The following KAT6B variants were observed in gnomAD, a reference collection of about 807,000 sequenced individuals.
KAT6B encodes histone acetyltransferase KAT6B.
Under a neutral mutation model 187.5 loss-of-function variants are expected in KAT6B, and 10 were observed. The observed-to-expected ratio is 0.05, with a 90% CI of 0.03 to 0.09. KAT6B has a LOEUF of 0.09. Among genes scored for constraint, KAT6B ranks in the 10% least tolerant of loss-of-function variants. The pLI is 1.00. For missense variants in KAT6B, 1,952 were observed against 2,558.9 expected (o/e 0.76, Z 5.12); for synonymous variants, 861 against 926.8 (o/e 0.93, Z 1.29).
chr10:74,911,637 T>C (rs561129320), intron 3 of KAT6B, among the ~76,000 whole-genome samples: 9 of 152,294 alleles, frequency 5.9e-5, no homozygotes, highest in Middle Eastern at 6.8e-3. Context: ...TTTCTTTTGA[T>C]GCCTCCCCTG....
At position 75,030,773 on chromosome 10, in the gene KAT6B, C is replaced by A. The variant is rs745470061; in HGVS notation, c.5949C>A (p.Asn1983Lys). ...PAPAYNVNSV[N>K]MNMNTLNAMN... ...CAGCCTACAATGTCAACTCTGTGAACATGAACATGAACACTCTCAACGCCA... is the reference window on the plus strand; with the variant it reads ...CAGCCTACAATGTCAACTCTGTGAAAATGAACATGAACACTCTCAACGCCA... Residue 1983 changes from asparagine to lysine, a missense_variant, in exon 18 of 18, where the codon AAC (asparagine) becomes AAA (lysine). By Grantham distance (94) the Asn-to-Lys change is moderately conservative. Transcript: ENST00000287239. This position sits in a 1 kb window ranked among gnomAD's most constrained non-coding sequence, Gnocchi z 4.8. 62 of 1,614,048 alleles carry A rather than the reference C, an allele frequency of 3.8e-5. No individual in the cohort carries two copies. The highest frequency in any genetic ancestry group is 5.0e-5 in the Non-Finnish European group (59 of 1,180,030).
intron 3 of KAT6B, among the ~76,000 whole-genome samples, chr10:74,941,173 A>AC (rs1327877064): frequency 1.3e-5 from 2 of 152,026 alleles, no homozygotes; most frequent in African/African-American, 2.4e-5. Context: ...GTGCACCCGC[A>AC]CCCCCAGATC....
intron 13 of KAT6B, among the ~76,000 whole-genome samples, chr10:75,000,355 A>T (rs953714644): frequency 6.6e-6 from 1 of 152,072 alleles, no homozygotes; most frequent in East Asian, 1.9e-4. Flanking sequence ...GGGAAAACAA[A>T]AAGCAACATC....
At chr10:74,875,816 A>T (rs1392766555) in intron 3 of KAT6B, among the ~76,000 whole-genome samples, 1 of 152,112 alleles carries the variant, frequency 6.6e-6, no homozygotes, top group Non-Finnish European at 1.5e-5. Flanking sequence ...ATCACATATC[A>T]TCCTTCTTTC....
intron 1 of KAT6B, among the ~76,000 whole-genome samples, chr10:74,838,293 CT>C (rs1379626675): frequency 2.0e-5 from 3 of 152,282 alleles, no homozygotes; most frequent in African/African-American, 7.2e-5. Flanking sequence ...CTTAAAACAA[CT>C]TTTGACTGTC....
At chr10:75,013,760 G>T (rs974642145) in intron 13 of KAT6B, among the ~76,000 whole-genome samples, 3 of 152,168 alleles carry the variant, frequency 2.0e-5, no homozygotes, top group Non-Finnish European at 2.9e-5. Flanking sequence ...GTTAGGTACA[G>T]TTATTATTCA....
intron 3 of KAT6B, among the ~76,000 whole-genome samples, chr10:74,900,831 G>T (rs1846334689): frequency 1.3e-5 from 2 of 152,126 alleles, no homozygotes; most frequent in South Asian, 4.1e-4. Context: ...GGGGGAGTGG[G>T]GGTTAAACAG....
intron 3 of KAT6B, among the ~76,000 whole-genome samples, chr10:74,866,440 T>G (rs2132346685): frequency 6.6e-6 from 1 of 152,258 alleles, no homozygotes; most frequent in East Asian, 1.9e-4. Flanking sequence ...TTGTTGAATC[T>G]AGGTGAAGGG....
At chr10:74,880,927 TCTC>T (rs1305535090) in intron 3 of KAT6B, among the ~76,000 whole-genome samples, 19 of 129,126 alleles carry the variant, frequency 1.5e-4, no homozygotes, top group Non-Finnish European at 9.0e-5. Flanking sequence ...TATCTTACTC[TCTC>T]TTTTTTTTTT....
chr10:74,996,408 C>A (rs1328187085), intron 13 of KAT6B, among the ~76,000 whole-genome samples: 1 of 152,182 alleles, frequency 6.6e-6, no homozygotes, highest in Non-Finnish European at 1.5e-5. Flanking sequence ...ACCTGGGTAA[C>A]TACAGCAGAA....
rs530361010 is a variant in KAT6B at position 74,922,447 on chromosome 10, G to T, written c.622-37523G>T. The stretch of plus-strand genomic sequence containing the variant: ...AAGAAGAAAGATGGCTAGGTAGATG[G>T]AATAGTGATCAGAAAAAAAGAACTT... On this transcript the variant is annotated intron_variant, in intron 3 of 17. Transcript: ENST00000287239. Among the ~76,000 whole-genome samples, 5 of 152,228 alleles carry T rather than the reference G, an allele frequency of 3.3e-5. No homozygotes were observed. In the South Asian group the frequency reaches 8.3e-4, roughly 25 times the overall value.
At chr10:74,860,409 A>G (rs1313921498) in intron 3 of KAT6B, among the ~76,000 whole-genome samples, 8 of 152,246 alleles carry the variant, frequency 5.3e-5, no homozygotes, top group Non-Finnish European at 8.8e-5. Context: ...TTAAGCATTT[A>G]ATATATACAA....
At chr10:74,927,971 A>G (rs1006430652) in intron 3 of KAT6B, among the ~76,000 whole-genome samples, 4 of 152,236 alleles carry the variant, frequency 2.6e-5, no homozygotes, top group African/African-American at 9.6e-5. Flanking sequence ...AAAGTGCTCC[A>G]GGAAAAAGAA....
chr10:74,900,994 TTATA>T (rs1273481378), intron 3 of KAT6B, among the ~76,000 whole-genome samples: 5 of 152,150 alleles, frequency 3.3e-5, no homozygotes, highest in Admixed American at 3.3e-4. Context: ...TTTGAAATGT[TTATA>T]TATATAAAAG....
At chr10:74,924,349 A>C (rs1848342158) in intron 3 of KAT6B, among the ~76,000 whole-genome samples, 1 of 152,180 alleles carries the variant, frequency 6.6e-6, no homozygotes, top group Admixed American at 6.5e-5. Flanking sequence ...CAGATTCTAA[A>C]AAAAAATTCC....
intron 14 of KAT6B, 34 bp downstream of exon 14, chr10:75,020,847 C>T: frequency 6.4e-7 from 1 of 1,568,530 alleles, no homozygotes; most frequent in Non-Finnish European, 8.8e-7. Context: ...CTCCGTGGCT[C>T]AGGCATCCCA....
chr10:74,917,374 C>T (rs536975693), intron 3 of KAT6B, among the ~76,000 whole-genome samples: 11 of 152,244 alleles, frequency 7.2e-5, no homozygotes, highest in South Asian at 4.2e-4. Context: ...GGTTTTTCAC[C>T]TCCTGTATTT....
chr10:74,953,767 A>T (rs1406417622), intron 3 of KAT6B, among the ~76,000 whole-genome samples: 1 of 152,184 alleles, frequency 6.6e-6, no homozygotes, highest in African/African-American at 2.4e-5. Flanking sequence ...GGAGGATATG[A>T]ATCTAAATAC....
At chr10:74,859,326 C>T (rs1043716325) in intron 3 of KAT6B, among the ~76,000 whole-genome samples, 6 of 152,046 alleles carry the variant, frequency 3.9e-5, no homozygotes, top group Admixed American at 3.3e-4. Context: ...CTCAAGAGAT[C>T]CAGCCACCTC....
Sources: gnomAD v4.1 joint callset for allele counts (sites outside exome capture counted in the v4.1 genomes callset) on GRCh38, gnomAD v4.1.1 for gene constraint, Gnocchi (gnomAD v3.1) non-coding constraint, MANE v1.5 for transcripts, NCBI Gene and HGNC (gene_info 2026-07-23, HGNC 2026-07-21) for gene names.